Variants in RIMS1 observed in about 807,000 individuals in gnomAD.
RIMS1 encodes regulating synaptic membrane exocytosis 1, also known as regulating synaptic membrane exocytosis protein 1.
In RIMS1, 83 loss-of-function variants were observed where a neutral mutation model predicts 214.1. The ratio of observed to expected loss-of-function variants is 0.39; its 90% CI spans 0.32 to 0.47. The LOEUF (loss-of-function observed/expected upper bound fraction) is 0.47, where lower values mean the gene tolerates loss of function less well. Ranked by LOEUF, RIMS1 falls within the 20% of genes least tolerant of loss-of-function variation. RIMS1 has a pLI of 0.99. For missense variants in RIMS1, 2,050 were observed against 2,161.8 expected (o/e 0.95, Z 1.03); for synonymous variants, 793 against 786.8 (o/e 1.01, Z -0.13).
chr6:72,391,599 T>A (rs1287269162), intron 30 of RIMS1, among the ~76,000 whole-genome samples: 2 of 152,226 alleles, frequency 1.3e-5, no homozygotes, highest in Non-Finnish European at 2.9e-5. Flanking sequence ...TTTACTGGAA[T>A]TTTTCTATAT....
chr6:71,922,374 C>T (rs1780258314), intron 1 of RIMS1, among the ~76,000 whole-genome samples: 1 of 152,020 alleles, frequency 6.6e-6, no homozygotes, highest in African/African-American at 2.4e-5. Context: ...TATGAATTTG[C>T]CTATTTTAGG....
intron 29 of RIMS1, among the ~76,000 whole-genome samples, chr6:72,360,693 ATATATG>A (rs1461188879): frequency 6.7e-6 from 1 of 149,064 alleles, no homozygotes; most frequent in African/African-American, 2.4e-5. Flanking sequence ...ATTCTATACT[ATATATG>A]TATACTATAT....
chr6:72,244,288 A>G (rs2068370428), intron 10 of RIMS1, among the ~76,000 whole-genome samples: 1 of 151,836 alleles, frequency 6.6e-6, no homozygotes, highest in South Asian at 2.1e-4. Flanking sequence ...AAATAGAACT[A>G]ATAAAGAATT....
chr6:71,888,994 G>A (rs1768730255), intron 1 of RIMS1, among the ~76,000 whole-genome samples: 3 of 152,172 alleles, frequency 2.0e-5, no homozygotes, highest in Non-Finnish European at 2.9e-5. Flanking sequence ...TTGTCAGTCC[G>A]TCTGTACTCA....
At chr6:72,284,196 T>C in intron 24 of RIMS1, 78 bp downstream of exon 24, 1 of 1,218,272 alleles carries the variant, frequency 8.2e-7, no homozygotes, top group Admixed American at 1.8e-5. Flanking sequence ...TCATTTTACA[T>C]GATCAGTTCT....
intron 1 of RIMS1, among the ~76,000 whole-genome samples, chr6:71,935,373 C>G (rs1269586746): frequency 6.6e-6 from 1 of 152,078 alleles, no homozygotes; most frequent in Non-Finnish European, 1.5e-5. Context: ...ACAATCTTAC[C>G]TGATTTAAGT....
At chr6:72,311,184 G>C (rs2154292088) in intron 27 of RIMS1, among the ~76,000 whole-genome samples, 1 of 152,274 alleles carries the variant, frequency 6.6e-6, no homozygotes, top group Non-Finnish European at 1.5e-5. Context: ...TTCATATTCT[G>C]TCATGGGCAA....
chr6:72,092,291 C>CCCTTCCTTACTT (rs1836482486), intron 2 of RIMS1, among the ~76,000 whole-genome samples: 1 of 107,938 alleles, frequency 9.3e-6, no homozygotes, highest in African/African-American at 3.1e-5. Context: ...CTCCCTCCCT[C>CCCTTCCTTACTT]CCTTCCTTCC....
chr6:72,396,607 A>G (rs529717864), intron 31 of RIMS1, among the ~76,000 whole-genome samples: 2 of 152,332 alleles, frequency 1.3e-5, no homozygotes, highest in African/African-American at 4.8e-5. Context: ...ATGTAATGGA[A>G]TATTATAGAG....
chr6:72,034,684 G>A (rs1819096065), intron 2 of RIMS1, among the ~76,000 whole-genome samples: 1 of 151,986 alleles, frequency 6.6e-6, no homozygotes, highest in Non-Finnish European at 1.5e-5. Context: ...GATATTAAAT[G>A]TCACTTTGTC....
chr6:71,956,026 A>G (rs1265324189), intron 1 of RIMS1, among the ~76,000 whole-genome samples: 1 of 152,134 alleles, frequency 6.6e-6, no homozygotes, highest in Non-Finnish European at 1.5e-5. Context: ...GTAATTATGT[A>G]GTATTAGAGA....
At chr6:72,129,738 A>G (rs72936924) in intron 4 of RIMS1, among the ~76,000 whole-genome samples, 8,210 of 152,230 alleles carry the variant, frequency 0.054, 296 homozygotes, top group Middle Eastern at 0.095. Context: ...TGCTAAAAAA[A>G]AAACGGACAG....
chr6:72,070,375 G>A (rs1830323570), intron 2 of RIMS1, among the ~76,000 whole-genome samples: 1 of 151,788 alleles, frequency 6.6e-6, no homozygotes, highest in Admixed American at 6.6e-5. Context: ...TAATACAATG[G>A]TATTAGCCCT....
chr6:72,006,205 C>T (rs1158611937), intron 2 of RIMS1, among the ~76,000 whole-genome samples: 2 of 152,156 alleles, frequency 1.3e-5, no homozygotes, highest in Non-Finnish European at 2.9e-5. Flanking sequence ...AGGGGATCCA[C>T]CTCATAATAC....
At chr6:71,953,917 G>T (rs1315752334) in intron 1 of RIMS1, among the ~76,000 whole-genome samples, 1 of 152,158 alleles carries the variant, frequency 6.6e-6, no homozygotes, top group Non-Finnish European at 1.5e-5. Flanking sequence ...AAGGACTGTT[G>T]CTTTTTACCT....
At chr6:72,125,037 A>C (rs1207659991) in intron 4 of RIMS1, among the ~76,000 whole-genome samples, 3 of 152,162 alleles carry the variant, frequency 2.0e-5, no homozygotes, top group Admixed American at 1.3e-4. Context: ...GAGGAGCTGC[A>C]GTCCTTTGGA....
chr6:72,383,017 C>G (rs570138617), intron 29 of RIMS1, among the ~76,000 whole-genome samples: 2 of 152,106 alleles, frequency 1.3e-5, no homozygotes, highest in Non-Finnish European at 2.9e-5. Context: ...TCTTCATAAA[C>G]ACAAGAATTA....
At chr6:72,116,654 A>G (rs932428697) in intron 4 of RIMS1, among the ~76,000 whole-genome samples, 1 of 152,012 alleles carries the variant, frequency 6.6e-6, no homozygotes, top group African/African-American at 2.4e-5. Flanking sequence ...CTCAGTTACA[A>G]CTACTCACAT....
rs2097201315 is a variant in RIMS1 at position 72,344,676 on chromosome 6, A to G, written c.4366+10841A>G. On this transcript the variant is annotated intron_variant, in intron 29 of 33. Transcript: ENST00000521978. The stretch of plus-strand genomic sequence containing the variant: ...GCGAAACCATCAAATGAATGTAAGC[A>G]TGGGTTCTTTTATTTACTGTTGCTG... 2.0e-5 allele frequency among the ~76,000 whole-genome samples: 3 copies of G among 151,888 alleles called. 1 individual carries two copies. In the South Asian group the frequency reaches 6.2e-4, roughly 32 times the overall value.
Sources: gnomAD v4.1 joint callset for allele counts (sites outside exome capture counted in the v4.1 genomes callset) on GRCh38, gnomAD v4.1.1 for gene constraint, MANE v1.5 for transcripts, NCBI Gene and HGNC (gene_info 2026-07-23, HGNC 2026-07-21) for gene names.